CTNND2: variants seen among roughly 807,000 people sequenced by gnomAD.
CTNND2 encodes the protein catenin delta 2, also known as catenin delta-2.
In CTNND2, 22 loss-of-function variants were observed where a neutral mutation model predicts 144.4. The observed-to-expected ratio is 0.15, with a 90% confidence interval of 0.11 to 0.22. The LOEUF is 0.22. CTNND2 is among the 10% of genes least tolerant of loss of function. The pLI is 1.00. For missense variants in CTNND2, 1,353 were observed against 1,618.8 expected, an observed-to-expected ratio of 0.84 and a Z score of 2.82; for synonymous variants, 751 against 695.6, an observed-to-expected ratio of 1.08 and a Z score of -1.25.
intron 2 of CTNND2, among the ~76,000 whole-genome samples, chr5:11,571,046 G>T (rs1186334748): frequency 6.6e-6 from 1 of 152,000 alleles, no homozygotes; most frequent in African/African-American, 2.4e-5. Context: ...ATTTCTCGGA[G>T]CTAGTTTTTA....
intron 3 of CTNND2, among the ~76,000 whole-genome samples, chr5:11,429,487 C>CT (rs1160749302): frequency 2.0e-5 from 3 of 152,194 alleles, no homozygotes; most frequent in African/African-American, 7.2e-5. Flanking sequence ...CCTGATGAAG[C>CT]AGCTCGGGAA....
intron 3 of CTNND2, among the ~76,000 whole-genome samples, chr5:11,442,336 C>G (rs1281133008): frequency 6.6e-6 from 1 of 151,892 alleles, no homozygotes; most frequent in East Asian, 1.9e-4. Flanking sequence ...AATTAGAATC[C>G]CTTGTGAATA....
intron 1 of CTNND2, among the ~76,000 whole-genome samples, chr5:11,853,921 G>A (rs754405756): frequency 4.6e-5 from 7 of 152,104 alleles, no homozygotes; most frequent in Non-Finnish European, 7.3e-5. Flanking sequence ...TGGTCTCTCC[G>A]TGTCCACCAC....
At chr5:11,862,972 A>G (rs755531478) in intron 1 of CTNND2, among the ~76,000 whole-genome samples, 3 of 152,212 alleles carry the variant, frequency 2.0e-5, no homozygotes, top group Non-Finnish European at 2.9e-5. Flanking sequence ...GACTAGTTAG[A>G]CTTCAAAATT....
intron 3 of CTNND2, among the ~76,000 whole-genome samples, chr5:11,479,783 T>G (rs1382618514): frequency 6.6e-6 from 1 of 152,160 alleles, no homozygotes; most frequent in African/African-American, 2.4e-5. Context: ...CATAAGATAG[T>G]TGGCTGTATG....
intron 18 of CTNND2, among the ~76,000 whole-genome samples, chr5:11,011,468 C>T (rs1009289003): frequency 2.6e-5 from 4 of 152,138 alleles, no homozygotes; most frequent in East Asian, 3.9e-4. Context: ...CCGCCTATCT[C>T]GGCCTCCCAA....
chr5:11,606,038 T>C (rs1780026638), intron 2 of CTNND2, among the ~76,000 whole-genome samples: 1 of 152,102 alleles, frequency 6.6e-6, no homozygotes, highest in Non-Finnish European at 1.5e-5. Flanking sequence ...GTACTGTATG[T>C]CAGAAGAGGC....
intron 9 of CTNND2, among the ~76,000 whole-genome samples, chr5:11,316,430 T>C (rs1430721832): frequency 1.3e-5 from 2 of 151,446 alleles, no homozygotes; most frequent in East Asian, 3.9e-4. Flanking sequence ...TTTAATCTTT[T>C]GGGGGCTCCG....
rs370579177 is a variant in CTNND2 at position 11,620,958 on chromosome 5, G to A, written c.175-55902C>T. On this transcript the variant is annotated intron_variant, in intron 2 of 21. Coordinates refer to ENST00000304623, the MANE Select transcript of CTNND2 (RefSeq NM_001332.4). ...GAACACATGACTTATTAGCCAAAAT[G>A]TGGTCTGCTTGACCCTGTCTGTCTC... Among the ~76,000 whole-genome samples, 34 of 152,290 alleles carry A rather than the reference G, an allele frequency of 2.2e-4. 1 individual carries two copies. In the East Asian group the frequency reaches 5.4e-3, roughly 24 times the overall value.
chr5:11,859,944 C>T (rs567566094), intron 1 of CTNND2, among the ~76,000 whole-genome samples: 1 of 152,264 alleles, frequency 6.6e-6, no homozygotes, highest in African/African-American at 2.4e-5. Context: ...AAGATCCCTC[C>T]CCATCCCTTT....
intron 10 of CTNND2, among the ~76,000 whole-genome samples, chr5:11,217,183 G>A (rs537939244): frequency 6.6e-6 from 1 of 152,276 alleles, no homozygotes; most frequent in African/African-American, 2.4e-5. Context: ...GTCTTCCCAA[G>A]GTGGCAGATT....
At chr5:11,039,811 C>T (rs986028139) in intron 16 of CTNND2, among the ~76,000 whole-genome samples, 3 of 152,082 alleles carry the variant, frequency 2.0e-5, no homozygotes, top group Admixed American at 6.5e-5. Flanking sequence ...CCTGTAATCC[C>T]AGCACTTTGG....
At chr5:11,425,915 C>T (rs557708242) in intron 3 of CTNND2, among the ~76,000 whole-genome samples, 68 of 152,286 alleles carry the variant, frequency 4.5e-4, no homozygotes, top group African/African-American at 1.5e-3. Context: ...ACGTCAGTTT[C>T]GCCCATCCTC....
intron 5 of CTNND2, among the ~76,000 whole-genome samples, chr5:11,404,595 CTG>C (rs1760919065): frequency 1.4e-5 from 1 of 71,570 alleles, no homozygotes; most frequent in Non-Finnish European, 3.3e-5. Context: ...CTGTCAGTAT[CTG>C]TATTCTTTTT....
At chr5:11,389,726 T>C (rs1387551452) in intron 6 of CTNND2, among the ~76,000 whole-genome samples, 1 of 152,210 alleles carries the variant, frequency 6.6e-6, no homozygotes, top group Admixed American at 6.5e-5. Flanking sequence ...AAGAGCCTAC[T>C]ACAGTCTGGG....
At chr5:11,209,562 A>C (rs1482886207) in intron 10 of CTNND2, among the ~76,000 whole-genome samples, 1 of 152,254 alleles carries the variant, frequency 6.6e-6, no homozygotes, top group East Asian at 1.9e-4. Context: ...GAAATCTATG[A>C]GATTTCAAGA....
At chr5:11,166,995 G>A (rs1759402686) in intron 11 of CTNND2, among the ~76,000 whole-genome samples, 1 of 152,208 alleles carries the variant, frequency 6.6e-6, no homozygotes, top group African/African-American at 2.4e-5. Context: ...TCTTGTAGGA[G>A]TCCCAGGGGT....
intron 16 of CTNND2, among the ~76,000 whole-genome samples, chr5:11,038,019 T>C (rs1186309246): frequency 6.6e-6 from 1 of 152,210 alleles, no homozygotes; most frequent in Non-Finnish European, 1.5e-5. Flanking sequence ...CAGAATGTAA[T>C]TGAGTAAATC....
intron 3 of CTNND2, among the ~76,000 whole-genome samples, chr5:11,483,574 C>T (rs1029868075): frequency 6.6e-6 from 1 of 152,188 alleles, no homozygotes; most frequent in African/African-American, 2.4e-5. Context: ...AGCATATGAC[C>T]TTCAATTGTC....
Sources: allele counts gnomAD v4.1 joint callset (sites outside exome capture counted in the v4.1 genomes callset), GRCh38; gene constraint gnomAD v4.1.1; transcripts MANE v1.5; gene names NCBI Gene and HGNC (gene_info 2026-07-23, HGNC 2026-07-21).